DHX32: variants seen among roughly 807,000 people sequenced by gnomAD.
DHX32 encodes DEAH-box helicase 32 (putative).
Under a neutral mutation model 70.0 loss-of-function variants are expected in DHX32, and 51 were observed. The ratio of observed to expected loss-of-function variants is 0.73; its 90% CI spans 0.58 to 0.92. The LOEUF (loss-of-function observed/expected upper bound fraction) is 0.92. DHX32 is among the 40% of genes least tolerant of loss of function. The pLI is 0.00. For missense variants in DHX32, 762 were observed against 891.8 expected, an observed-to-expected ratio of 0.85 and a Z score of 1.85; for synonymous variants, 310 against 315.3, an observed-to-expected ratio of 0.98 and a Z score of 0.18.
At chr10:125,864,224 G>A (rs953310306) in intron 2 of DHX32, among the ~76,000 whole-genome samples, 17 of 152,170 alleles carry the variant, frequency 1.1e-4, no homozygotes, top group African/African-American at 4.1e-4. Context: ...TGGTTCTGGG[G>A]GCATGTCACA....
Position 125,859,812 on chromosome 10 carries a change from T to C in DHX32, c.640A>G (p.Ile214Val), listed in dbSNP as rs1251542609. 8 of 1,613,892 alleles carry C rather than the reference T, an allele frequency of 5.0e-6. No homozygotes were observed. The highest frequency in any genetic ancestry group is 6.8e-6 in the Non-Finnish European group (8 of 1,179,934). Reference sequence around the variant, plus strand: ...ATCAGGTGAGGTGAGGAGTTAATTATGAGCTTCAGTTCTGGTCTTGCTAGT... The same window carrying C: ...ATCAGGTGAGGTGAGGAGTTAATTACGAGCTTCAGTTCTGGTCTTGCTAGT... ...VLLARPELKLIINSSPHLISK... is the reference protein window; with the variant it reads ...VLLARPELKLVINSSPHLISK... The change falls in exon 3 of 11, where the codon ATA (isoleucine) becomes GTA (valine). Residue 214 changes from isoleucine to valine, a missense_variant. Around this residue, in one of 3 missense-constraint regions of DHX32, gnomAD observed 394 missense variants for 473.1 expected, o/e 0.83. Transcript: ENST00000284690.
intron 1 of DHX32, among the ~76,000 whole-genome samples, chr10:125,889,154 T>C (rs1437308558): frequency 2.0e-5 from 3 of 152,208 alleles, no homozygotes; most frequent in Non-Finnish European, 4.4e-5. Flanking sequence ...TATAACACTA[T>C]TGCAAACACT....
intron 3 of DHX32, among the ~76,000 whole-genome samples, chr10:125,858,197 G>A (rs948969039): frequency 7.2e-5 from 11 of 152,014 alleles, no homozygotes; most frequent in African/African-American, 2.2e-4. Context: ...CACAGTGCCC[G>A]GCCTACGTCC....
chr10:125,854,330 T>C lies in DHX32; in HGVS notation c.850-127A>G, dbSNP rs1002798645. ...GATACAGGGAAAGAAATCCCTGTGT[T>C]GCTGCCTACATGTATCTTTAAATAA... On this transcript the variant is annotated intron_variant, in intron 3 of 10. Coordinates refer to ENST00000284690, the MANE Select transcript of DHX32 (RefSeq NM_018180.3). The C allele has an allele frequency of 1.2e-5, 11 of 898,804 alleles. No individual in the cohort carries two copies. The Admixed American group carries it at 3.0e-4, about 25-fold the overall frequency. 55.7% of individuals were successfully genotyped at this position (898,804 alleles called of 1,614,324 possible).
chr10:125,889,609 C>A (rs529278998), intron 1 of DHX32, among the ~76,000 whole-genome samples: 2 of 152,274 alleles, frequency 1.3e-5, no homozygotes, highest in Non-Finnish European at 2.9e-5. Flanking sequence ...TTAGTGACAT[C>A]GCCTATTTAC....
intron 1 of DHX32, among the ~76,000 whole-genome samples, chr10:125,889,429 G>A (rs1944357235): frequency 6.6e-6 from 1 of 152,152 alleles, no homozygotes; most frequent in Non-Finnish European, 1.5e-5. Context: ...CAGAATAAAG[G>A]ACTATTATTT....
chr10:125,843,963 T>C (rs1300774117), intron 6 of DHX32, among the ~76,000 whole-genome samples: 2 of 152,194 alleles, frequency 1.3e-5, no homozygotes, highest in African/African-American at 4.8e-5. Context: ...TTCTGAATGT[T>C]TTCCCATCAA....
rs143353901 is a variant in DHX32, at chr10:125,880,760, A to G, written c.65T>C (p.Leu22Pro). 9.9e-6 allele frequency: 16 copies of G among 1,614,094 alleles called. No homozygotes were observed. The highest frequency in any genetic ancestry group is 4.0e-5 in the African/African-American group (3 of 74,938). The change falls in exon 1 of 11, where the codon CTG becomes CCG. Residue 22 changes from leucine (L) to proline (P), a missense_variant. Leu to Pro is a moderately conservative substitution (Grantham distance 98). Coordinates refer to ENST00000284690, the MANE Select transcript of DHX32 (RefSeq NM_018180.3). ...TTCCTCATCCCCATCGCTGGAATCC[A>G]GGGATTCAGGAAAATAGCGTTTTTC... ...SSEKRYFPES[L>P]DSSDGDEEEV...
chr10:125,838,416 AT>A (rs747507228), intron 9 of DHX32, 29 bp from the exon 10 acceptor site: 391 of 1,535,096 alleles, frequency 2.5e-4, no homozygotes, highest in Non-Finnish European at 3.1e-4. Context: ...AAGAAAAAAG[AT>A]TTTGTATTAA....
intron 3 of DHX32, 106 bp downstream of exon 3, chr10:125,859,497 A>G: frequency 7.7e-7 from 1 of 1,294,732 alleles, no homozygotes; most frequent in Non-Finnish European, 1.0e-6. Context: ...TGATGAAACC[A>G]AATATTTAAA....
At chr10:125,858,160 C>T (rs574828906) in intron 3 of DHX32, among the ~76,000 whole-genome samples, 1 of 152,236 alleles carries the variant, frequency 6.6e-6, no homozygotes, top group South Asian at 2.1e-4. Flanking sequence ...CTCAGCCTCC[C>T]AAAGTGCTGT....
At chr10:125,885,179 AT>A (rs1944335476), upstream of DHX32, among the ~76,000 whole-genome samples, 1 of 151,948 alleles carries the variant, frequency 6.6e-6, no homozygotes, top group African/African-American at 2.4e-5. Context: ...CTTCCTTCCC[AT>A]TGCTCAGATC....
intron 1 of DHX32, among the ~76,000 whole-genome samples, chr10:125,893,621 A>G (rs1944384422): frequency 6.6e-6 from 1 of 152,252 alleles, no homozygotes; most frequent in Admixed American, 6.5e-5. Flanking sequence ...AATGTAGACC[A>G]TGACAAGTTT....
chr10:125,848,140 T>C (rs1447079370), intron 6 of DHX32, among the ~76,000 whole-genome samples: 1 of 152,162 alleles, frequency 6.6e-6, no homozygotes, highest in Non-Finnish European at 1.5e-5. Context: ...ACTTGGGCAT[T>C]GTGTAAAAGA....
At chr10:125,890,124 A>G (rs1467918663) in intron 1 of DHX32, among the ~76,000 whole-genome samples, 1 of 152,414 alleles carries the variant, frequency 6.6e-6, no homozygotes, top group Non-Finnish European at 1.5e-5. Context: ...AATACTTGAC[A>G]CTAATGGCGA....
intron 1 of DHX32, among the ~76,000 whole-genome samples, chr10:125,869,820 C>G (rs1230435584): frequency 6.6e-6 from 1 of 151,968 alleles, no homozygotes; most frequent in Non-Finnish European, 1.5e-5. Context: ...AACAGAGGAT[C>G]TGACATATGG....
chr10:125,894,722 G>A (rs1418679566), intron 1 of DHX32, among the ~76,000 whole-genome samples: 7 of 152,302 alleles, frequency 4.6e-5, no homozygotes, highest in African/African-American at 1.4e-4. Flanking sequence ...TGTTTGAGCA[G>A]ACTTAATCCT....
upstream of DHX32, among the ~76,000 whole-genome samples, chr10:125,882,997 C>G (rs1944326784): frequency 6.6e-6 from 1 of 152,044 alleles, no homozygotes; most frequent in African/African-American, 2.4e-5. Flanking sequence ...TATTTCTTAA[C>G]TGTTTTACCT....
chr10:125,874,533 T>C (rs1944273156), intron 1 of DHX32, among the ~76,000 whole-genome samples: 1 of 152,206 alleles, frequency 6.6e-6, no homozygotes, highest in Non-Finnish European at 1.5e-5. Context: ...AAGAAGTAGA[T>C]TAAAAAAATT....
Sources: allele counts gnomAD v4.1 joint callset (sites outside exome capture counted in the v4.1 genomes callset), GRCh38; gene constraint gnomAD v4.1.1; regional missense constraint gnomAD v4.1.1; transcripts MANE v1.5; gene names NCBI Gene and HGNC (gene_info 2026-07-23, HGNC 2026-07-21).